LCLAT1: variants seen among roughly 807,000 people sequenced by gnomAD.
The protein encoded by LCLAT1 is 1-AGP acyltransferase 8.
A neutral mutation model predicts 30.7 loss-of-function variants in LCLAT1; 11 were observed. The ratio of observed to expected loss-of-function variants is 0.36; its 90% CI spans 0.23 to 0.59. The LOEUF (loss-of-function observed/expected upper bound fraction) is 0.59. Among genes scored for constraint, LCLAT1 ranks in the 20% least tolerant of loss-of-function variants. LCLAT1 has a pLI of 0.77. For synonymous variants in LCLAT1, 155 were observed against 151.3 expected (o/e 1.02, Z -0.18); for missense variants, 402 against 458.6 (o/e 0.88, Z 1.13).
At chr2:30,583,896 G>C (rs1488591778) in intron 5 of LCLAT1, among the ~76,000 whole-genome samples, 1 of 151,946 alleles carries the variant, frequency 6.6e-6, no homozygotes. Flanking sequence ...GAAGATAAGG[G>C]AAGGGCTCTT....
intron 1 of LCLAT1, among the ~76,000 whole-genome samples, chr2:30,518,404 A>G (rs181724244): frequency 6.6e-6 from 1 of 152,358 alleles, no homozygotes; most frequent in Non-Finnish European, 1.5e-5. Flanking sequence ...AAATTGTCTA[A>G]TAATTGGTCT....
At chr2:30,468,613 G>A (rs534393544) in intron 1 of LCLAT1, among the ~76,000 whole-genome samples, 1 of 152,038 alleles carries the variant, frequency 6.6e-6, no homozygotes, top group East Asian at 1.9e-4. Context: ...TTCATGTGTT[G>A]TGCCACCACC....
intron 1 of LCLAT1, among the ~76,000 whole-genome samples, chr2:30,498,183 A>G (rs766317208): frequency 4.6e-5 from 7 of 152,208 alleles, no homozygotes; most frequent in Non-Finnish European, 1.0e-4. Context: ...GTTGCCAGCT[A>G]TGAGGCTGAG....
chr2:30,636,094 C>A (rs1375940156), intron 5 of LCLAT1, among the ~76,000 whole-genome samples: 1 of 152,150 alleles, frequency 6.6e-6, no homozygotes, highest in Admixed American at 6.5e-5. Flanking sequence ...CTTGAACAAG[C>A]TTCTTCTTAG....
At chr2:30,517,255 C>T (rs1436826862) in intron 1 of LCLAT1, among the ~76,000 whole-genome samples, 1 of 152,006 alleles carries the variant, frequency 6.6e-6, no homozygotes. Flanking sequence ...CCAAAGGGAT[C>T]TAGAGAAGCT....
chr2:30,474,649 C>CG (rs1682958006), intron 1 of LCLAT1, among the ~76,000 whole-genome samples: 1 of 143,846 alleles, frequency 7.0e-6, no homozygotes, highest in East Asian at 2.0e-4. Context: ...AATAATTTAA[C>CG]TTTTTTTTTT....
At chr2:30,597,979 C>G (rs575615568) in intron 5 of LCLAT1, among the ~76,000 whole-genome samples, 6 of 152,242 alleles carry the variant, frequency 3.9e-5, no homozygotes, top group African/African-American at 1.4e-4. Flanking sequence ...CCTTGCATCC[C>G]AGGGATGAAG....
chr2:30,556,455 G>C (rs1012272760), intron 3 of LCLAT1, among the ~76,000 whole-genome samples: 1 of 152,020 alleles, frequency 6.6e-6, no homozygotes, highest in Non-Finnish European at 1.5e-5. Flanking sequence ...AAATGGACCA[G>C]GGTAGGGGGA....
At chr2:30,497,343 A>G (rs1308245307) in intron 1 of LCLAT1, among the ~76,000 whole-genome samples, 2 of 152,206 alleles carry the variant, frequency 1.3e-5, no homozygotes, top group Admixed American at 6.5e-5. Flanking sequence ...AACTTTATAA[A>G]TATTTCTTAG....
intron 5 of LCLAT1, among the ~76,000 whole-genome samples, chr2:30,587,466 G>C (rs767532252): frequency 2.6e-5 from 4 of 152,166 alleles, no homozygotes; most frequent in African/African-American, 9.7e-5. Flanking sequence ...ACTTTAAATA[G>C]ACATGAGCGC....
chr2:30,628,122 CAGAAAT>C (rs1668604062), intron 5 of LCLAT1, among the ~76,000 whole-genome samples: 1 of 152,062 alleles, frequency 6.6e-6, no homozygotes, highest in Admixed American at 6.5e-5. Context: ...TACCTAAAAA[CAGAAAT>C]AGAAACACAT....
chr2:30,554,119 G>A (rs550149478), intron 3 of LCLAT1, among the ~76,000 whole-genome samples: 1 of 152,326 alleles, frequency 6.6e-6, no homozygotes, highest in South Asian at 2.1e-4. Flanking sequence ...GGAGTTTCTA[G>A]AAGATATGTA....
chr2:30,549,957 G>A (rs1054379367), intron 3 of LCLAT1, among the ~76,000 whole-genome samples: 2 of 152,166 alleles, frequency 1.3e-5, no homozygotes, highest in Non-Finnish European at 2.9e-5. Context: ...AATTAAAAAT[G>A]TTCTTCCACA....
intron 1 of LCLAT1, among the ~76,000 whole-genome samples, chr2:30,496,734 A>G (rs1684138215): frequency 6.6e-6 from 1 of 152,138 alleles, no homozygotes; most frequent in Admixed American, 6.5e-5. Flanking sequence ...ATTTTTTATT[A>G]TTAAAAATGC....
intron 3 of LCLAT1, chr2:30,552,582 T>A (rs763804564): frequency 9.0e-6 from 4 of 442,358 alleles, no homozygotes; most frequent in Non-Finnish European, 1.8e-5. Flanking sequence ...CATCAGAGTT[T>A]TTAAAAGCCT....
chr2:30,453,752 G>A (rs1614348), intron 1 of LCLAT1, among the ~76,000 whole-genome samples: 33,720 of 146,014 alleles, frequency 0.23, 3,828 homozygotes, highest in East Asian at 0.36. Flanking sequence ...TAAACATGAC[G>A]GCTATGAAAC....
chr2:30,461,473 C>G (rs529310889), intron 1 of LCLAT1, among the ~76,000 whole-genome samples: 78 of 152,224 alleles, frequency 5.1e-4, no homozygotes, highest in African/African-American at 1.8e-3. Flanking sequence ...GTTGCCTCCA[C>G]TTGTCTTGAA....
chr2:30,586,208 C>T (rs1029937428), intron 5 of LCLAT1, among the ~76,000 whole-genome samples: 6 of 146,850 alleles, frequency 4.1e-5, no homozygotes, highest in Non-Finnish European at 3.0e-5. Flanking sequence ...CGCCACTGCA[C>T]TCCAGCCTGG....
intron 1 of LCLAT1, among the ~76,000 whole-genome samples, chr2:30,460,930 A>G (rs1180402819): frequency 6.6e-6 from 1 of 152,216 alleles, no homozygotes; most frequent in Non-Finnish European, 1.5e-5. Context: ...GGATTTCTTC[A>G]GGGGAGAGCA....
Sources: gnomAD v4.1 joint callset for allele counts (sites outside exome capture counted in the v4.1 genomes callset) on GRCh38, gnomAD v4.1.1 for gene constraint, MANE v1.5 for transcripts, NCBI Gene and HGNC (gene_info 2026-07-23, HGNC 2026-07-21) for gene names.